Variants in BBS9 observed in about 807,000 individuals in gnomAD.
BBS9 encodes the protein Bardet-Biedl syndrome 9, also known as protein PTHB1.
BBS9 carries 89 observed loss-of-function variants against 117.7 expected under a neutral mutation model. The observed-to-expected ratio is 0.76, with a 90% CI of 0.64 to 0.90. BBS9 has a LOEUF of 0.90. Ranked by LOEUF, BBS9 falls within the 40% of genes least tolerant of loss-of-function variation. BBS9 has a pLI of 0.00. For synonymous variants in BBS9, 379 were observed against 370.9 expected, an observed-to-expected ratio of 1.02 and a Z score of -0.25; for missense variants, 982 against 1,042.2, an observed-to-expected ratio of 0.94 and a Z score of 0.80.
At chr7:33,478,146 G>A (rs764370771) in intron 19 of BBS9, among the ~76,000 whole-genome samples, 3 of 152,170 alleles carry the variant, frequency 2.0e-5, no homozygotes, top group South Asian at 4.1e-4. Context: ...AAGAGGTGAT[G>A]AAAGGGGAAT....
intron 5 of BBS9, among the ~76,000 whole-genome samples, chr7:33,239,471 G>A (rs1304307040): frequency 6.6e-6 from 1 of 151,784 alleles, no homozygotes; most frequent in African/African-American, 2.4e-5. Flanking sequence ...GTGCAGTGGT[G>A]CAATCTCGGC....
chr7:33,612,673 C>G (rs1199819616), intron 21 of BBS9, among the ~76,000 whole-genome samples: 1 of 152,048 alleles, frequency 6.6e-6, no homozygotes. Flanking sequence ...TCTATTCCTT[C>G]ATCCCATCAA....
chr7:33,387,505 T>C (rs1826236445), intron 18 of BBS9, among the ~76,000 whole-genome samples: 1 of 152,176 alleles, frequency 6.6e-6, no homozygotes, highest in Non-Finnish European at 1.5e-5. Flanking sequence ...TAAATGTTTT[T>C]GTTTTTTTTA....
intron 21 of BBS9, among the ~76,000 whole-genome samples, chr7:33,568,553 G>A (rs1857274027): frequency 6.6e-6 from 1 of 152,150 alleles, no homozygotes; most frequent in Admixed American, 6.5e-5. Context: ...GAACATAGTG[G>A]ATACTACAAA....
intron 4 of BBS9, among the ~76,000 whole-genome samples, chr7:33,171,340 A>G (rs1464712118): frequency 6.6e-6 from 1 of 152,130 alleles, no homozygotes; most frequent in Non-Finnish European, 1.5e-5. Flanking sequence ...CCTGAGAAAA[A>G]CAAGCAGTGG....
At chr7:33,582,674 A>G (rs1390247394) in intron 21 of BBS9, among the ~76,000 whole-genome samples, 1 of 152,114 alleles carries the variant, frequency 6.6e-6, no homozygotes. Context: ...TCAATTCAGT[A>G]AACATTTAGT....
chr7:33,268,831 C>T (rs905400560), intron 7 of BBS9, among the ~76,000 whole-genome samples: 5 of 152,150 alleles, frequency 3.3e-5, no homozygotes, highest in Admixed American at 6.5e-5. Flanking sequence ...GGATAAATCA[C>T]CTCTCAGAGT....
At chr7:33,316,131 C>T (rs936623158) in intron 9 of BBS9, among the ~76,000 whole-genome samples, 2 of 152,168 alleles carry the variant, frequency 1.3e-5, no homozygotes, top group African/African-American at 2.4e-5. Context: ...TGCCTGCACC[C>T]AGGTAACTGC....
intron 21 of BBS9, among the ~76,000 whole-genome samples, chr7:33,628,663 A>G (rs1865752663): frequency 6.6e-6 from 1 of 152,228 alleles, no homozygotes; most frequent in Admixed American, 6.5e-5. Context: ...CTATTCAGCC[A>G]GGTACTAGAG....
chr7:33,434,806 TGAA>T (rs983275608), intron 19 of BBS9, among the ~76,000 whole-genome samples: 1 of 152,196 alleles, frequency 6.6e-6, no homozygotes, highest in Admixed American at 6.5e-5. Context: ...ATTTGCATCT[TGAA>T]GAATGGAGTC....
chr7:33,433,323 C>T (rs1447644163), intron 19 of BBS9, among the ~76,000 whole-genome samples: 3 of 152,120 alleles, frequency 2.0e-5, no homozygotes, highest in Non-Finnish European at 4.4e-5. Flanking sequence ...TAATGCCTTT[C>T]CTCCAATACA....
intron 21 of BBS9, among the ~76,000 whole-genome samples, chr7:33,585,335 T>C (rs959344156): frequency 2.0e-5 from 3 of 152,118 alleles, no homozygotes; most frequent in African/African-American, 7.2e-5. Context: ...GTATATACCA[T>C]GATCTTCTTT....
At chr7:33,610,639 C>A (rs1864809272), downstream of BBS9, among the ~76,000 whole-genome samples, 1 of 152,102 alleles carries the variant, frequency 6.6e-6, no homozygotes, top group Non-Finnish European at 1.5e-5. Flanking sequence ...ACAGTCTCGC[C>A]TCTAAATACT....
At chr7:33,467,478 A>G (rs1028498338) in intron 19 of BBS9, among the ~76,000 whole-genome samples, 10 of 151,698 alleles carry the variant, frequency 6.6e-5, no homozygotes, top group Non-Finnish European at 5.9e-5. Flanking sequence ...GTTCATTTGT[A>G]TATTTTTTGC....
At chr7:33,539,354 G>A (rs868644238) in intron 21 of BBS9, among the ~76,000 whole-genome samples, 30 of 152,300 alleles carry the variant, frequency 2.0e-4, no homozygotes, top group African/African-American at 6.7e-4. Flanking sequence ...TTATGGCTAC[G>A]TAGATATGAT....
At chr7:33,399,921 T>G (rs1318224375) in intron 19 of BBS9, among the ~76,000 whole-genome samples, 2 of 152,144 alleles carry the variant, frequency 1.3e-5, no homozygotes, top group African/African-American at 4.8e-5. Context: ...AACAGACCTA[T>G]TATCGTATGA....
chr7:33,354,959 A>G (rs954845157), intron 15 of BBS9, among the ~76,000 whole-genome samples: 1 of 152,118 alleles, frequency 6.6e-6, no homozygotes, highest in Non-Finnish European at 1.5e-5. Context: ...ATAAATGACT[A>G]GGCCAATATT....
In BBS9 at chr7:33,467,794, G is replaced by A. The variant is rs372682412; in HGVS notation, c.2116-37669G>A. On this transcript the variant is annotated intron_variant, in intron 19 of 22. Coordinates refer to ENST00000242067, the MANE Select transcript of BBS9 (RefSeq NM_198428.3). Reference sequence around the variant, plus strand: ...GTGTGTAGAAATTCTAACAGATTCTGAGTAGTTGGGGTGCCTAGGTGAAAC... The same window carrying A: ...GTGTGTAGAAATTCTAACAGATTCTAAGTAGTTGGGGTGCCTAGGTGAAAC... Among the ~76,000 whole-genome samples, 6 of 152,058 alleles carry A rather than the reference G, an allele frequency of 3.9e-5. No homozygotes were observed. In the East Asian group the frequency reaches 9.8e-4, roughly 25 times the overall value.
intron 21 of BBS9, among the ~76,000 whole-genome samples, chr7:33,630,738 G>A (rs1865852962): frequency 6.6e-6 from 1 of 152,132 alleles, no homozygotes; most frequent in African/African-American, 2.4e-5. Flanking sequence ...TACCTGCCAT[G>A]CATACCTTTC....
Sources: gnomAD v4.1 joint callset for allele counts (sites outside exome capture counted in the v4.1 genomes callset) on GRCh38, gnomAD v4.1.1 for gene constraint, MANE v1.5 for transcripts, NCBI Gene and HGNC (gene_info 2026-07-23, HGNC 2026-07-21) for gene names.